Variants in RNF180 observed in about 807,000 individuals in gnomAD.
RNF180 encodes ring finger protein 180, also known as E3 ubiquitin-protein ligase RNF180.
RNF180 carries 38 observed loss-of-function variants against 59.2 expected under a neutral mutation model. That is an observed-to-expected ratio of 0.64 (90% CI 0.50 to 0.84). The LOEUF (loss-of-function observed/expected upper bound fraction) is 0.84, where lower values mean the gene tolerates loss of function less well. RNF180 is among the 40% of genes least tolerant of loss of function. RNF180 has a pLI of 0.00. For missense variants in RNF180, 705 were observed against 700.9 expected (o/e 1.01, Z -0.07); for synonymous variants, 262 against 240.3 (o/e 1.09, Z -0.84).
intron 4 of RNF180, among the ~76,000 whole-genome samples, chr5:64,215,723 A>G (rs1366047740): frequency 6.6e-6 from 1 of 152,180 alleles, no homozygotes; most frequent in African/African-American, 2.4e-5. Context: ...AAGTGATCAT[A>G]TGTTAAGTGA....
chr5:64,337,737 A>G (rs1240218713), intron 7 of RNF180, among the ~76,000 whole-genome samples: 1 of 139,996 alleles, frequency 7.1e-6, no homozygotes, highest in Non-Finnish European at 1.5e-5. Context: ...ATTCCCACCT[A>G]TGAGTGAGAA....
At chr5:64,309,467 C>A (rs567104189) in intron 5 of RNF180, among the ~76,000 whole-genome samples, 1 of 151,588 alleles carries the variant, frequency 6.6e-6, no homozygotes, top group South Asian at 2.1e-4. Context: ...CCCGTTTCTT[C>A]CTATATGGAA....
At chr5:64,354,295 T>A (rs1165692135) in intron 7 of RNF180, among the ~76,000 whole-genome samples, 1 of 151,656 alleles carries the variant, frequency 6.6e-6, no homozygotes, top group Non-Finnish European at 1.5e-5. Context: ...TTTACAGAAA[T>A]AAGGATTATA....
chr5:64,210,515 G>A (rs1229537856), intron 2 of RNF180, among the ~76,000 whole-genome samples: 2 of 152,040 alleles, frequency 1.3e-5, no homozygotes, highest in South Asian at 2.1e-4. Context: ...TTATGTTGTG[G>A]GTTTATGAAA....
At chr5:64,224,913 G>T (rs1280018566) in intron 5 of RNF180, among the ~76,000 whole-genome samples, 1 of 152,162 alleles carries the variant, frequency 6.6e-6, no homozygotes, top group African/African-American at 2.4e-5. Context: ...TCCACCTTCT[G>T]CCATGTGAGG....
intron 5 of RNF180, among the ~76,000 whole-genome samples, chr5:64,301,701 A>ATGTGTGTGTGTGTG (rs3069547): frequency 0.025 from 3,699 of 148,678 alleles, 150 homozygotes; most frequent in African/African-American, 0.079. Flanking sequence ...CCACATCAGA[A>ATGTGTGTGTGTGTG]TGTGTGTGTG....
intron 5 of RNF180, among the ~76,000 whole-genome samples, chr5:64,221,781 G>A (rs189311309): frequency 1.3e-5 from 2 of 152,104 alleles, no homozygotes; most frequent in East Asian, 1.9e-4. Flanking sequence ...TTTTTAAAGG[G>A]TCTTTTTTAT....
intron 5 of RNF180, among the ~76,000 whole-genome samples, chr5:64,288,302 GC>G (rs1454857654): frequency 2.0e-5 from 3 of 152,148 alleles, no homozygotes; most frequent in Non-Finnish European, 4.4e-5. Flanking sequence ...GGTTACTGTG[GC>G]CTTGTAGTAT....
chr5:64,264,623 T>G (rs1744551045), intron 5 of RNF180, among the ~76,000 whole-genome samples: 1 of 152,204 alleles, frequency 6.6e-6, no homozygotes, highest in Non-Finnish European at 1.5e-5. Flanking sequence ...CTTTATCCAG[T>G]CTATCATTGA....
At chr5:64,171,523 A>G (rs1749934734) in intron 1 of RNF180, among the ~76,000 whole-genome samples, 1 of 152,186 alleles carries the variant, frequency 6.6e-6, no homozygotes, top group Non-Finnish European at 1.5e-5. Context: ...ACATGTTCAA[A>G]TGGGCCTAAT....
chr5:64,371,238 C>T lies in RNF180; in HGVS notation c.*1424C>T, dbSNP rs1440126185. On this transcript the variant is annotated 3_prime_UTR_variant, in exon 8 of 8. Coordinates refer to ENST00000389100, the MANE Select transcript of RNF180 (RefSeq NM_001113561.2). Reference sequence around the variant, plus strand: ...AATCCAGAAATCAGAACACTAAGTACAATTTAGAAACACAGATAAATTTAT... The same window carrying T: ...AATCCAGAAATCAGAACACTAAGTATAATTTAGAAACACAGATAAATTTAT... 1 of 151,458 alleles carries T rather than the reference C, an allele frequency of 6.6e-6. No homozygotes were observed. Among genetic ancestry groups the T allele is most frequent in the East Asian group, 1.9e-4 (1 of 5,158 alleles). 9.4% of individuals were successfully genotyped at this position (151,458 alleles called of 1,614,324 possible).
chr5:64,277,045 A>G (rs906431023), intron 5 of RNF180, among the ~76,000 whole-genome samples: 1 of 152,018 alleles, frequency 6.6e-6, no homozygotes, highest in Non-Finnish European at 1.5e-5. Context: ...TGCCTTGGGT[A>G]TTCTTGCTAT....
chr5:64,198,818 A>T lies in RNF180; in HGVS notation c.1-1990A>T, dbSNP rs941810954. Among the ~76,000 whole-genome samples the T allele has an allele frequency of 3.3e-3, 491 of 146,818 alleles. 1 individual carries two copies. The highest frequency in any genetic ancestry group is 0.012 in the African/African-American group (483 of 40,286). On this transcript the variant is annotated intron_variant, in intron 1 of 7. Transcript: ENST00000389100. Reference sequence around the variant, plus strand: ...GGGCAGAACATTTGCAAATTAAACAATTTTTTTTTTTTTTGAGACGGAGTT... The same window carrying T: ...GGGCAGAACATTTGCAAATTAAACATTTTTTTTTTTTTTTGAGACGGAGTT...
intron 5 of RNF180, among the ~76,000 whole-genome samples, chr5:64,238,383 G>A (rs1044463122): frequency 4.6e-5 from 7 of 152,102 alleles, no homozygotes; most frequent in African/African-American, 1.4e-4. Flanking sequence ...TCATATGGCA[G>A]TTCTATTTTT....
At chr5:64,368,883 A>G (rs1580322032) in intron 7 of RNF180, among the ~76,000 whole-genome samples, 1 of 152,204 alleles carries the variant, frequency 6.6e-6, no homozygotes, top group East Asian at 1.9e-4. Flanking sequence ...TAGTTCAACC[A>G]TTGTGGAAGT....
intron 1 of RNF180, among the ~76,000 whole-genome samples, chr5:64,196,835 G>T (rs1751479760): frequency 2.6e-5 from 4 of 151,968 alleles, no homozygotes; most frequent in Admixed American, 2.6e-4. Context: ...AGGTTATAAA[G>T]ATTATTTCTT....
intron 1 of RNF180, among the ~76,000 whole-genome samples, chr5:64,192,937 A>G (rs1342853728): frequency 2.1e-5 from 3 of 140,772 alleles, no homozygotes; most frequent in Admixed American, 7.0e-5. Context: ...ATATATATAT[A>G]TAAAATGAAA....
At chr5:64,178,297 C>G (rs986252505) in intron 1 of RNF180, among the ~76,000 whole-genome samples, 1 of 152,098 alleles carries the variant, frequency 6.6e-6, no homozygotes, top group African/African-American at 2.4e-5. Context: ...ATATATACCC[C>G]AGCCTCACGC....
chr5:64,316,172 A>G (rs1045272520), intron 5 of RNF180, among the ~76,000 whole-genome samples: 1 of 152,192 alleles, frequency 6.6e-6, no homozygotes, highest in Admixed American at 6.5e-5. Flanking sequence ...AGCCTCCAGA[A>G]TAGCTGAGAT....
Sources: allele counts gnomAD v4.1 joint callset (sites outside exome capture counted in the v4.1 genomes callset), GRCh38; gene constraint gnomAD v4.1.1; transcripts MANE v1.5; gene names NCBI Gene and HGNC (gene_info 2026-07-23, HGNC 2026-07-21).